Variants in ZNF195 observed in about 807,000 individuals in gnomAD.
ZNF195 encodes hypoxia-regulated factor-1.
In ZNF195, 11 loss-of-function variants were observed where a neutral mutation model predicts 19.5. That is an observed-to-expected ratio of 0.57 (90% CI 0.36 to 0.94). ZNF195 has a LOEUF of 0.94. ZNF195 is among the 40% of genes least tolerant of loss of function. The pLI is 0.01. For synonymous variants in ZNF195, 214 were observed against 248.1 expected (o/e 0.86, Z 1.29); for missense variants, 582 against 709.0 (o/e 0.82, Z 2.03).
intron 1 of ZNF195, 150 bp downstream of exon 1, chr11:3,378,888 C>T: frequency 9.7e-7 from 1 of 1,026,734 alleles, no homozygotes; most frequent in Non-Finnish European, 1.3e-6. Flanking sequence ...CGCCGGGGCG[C>T]GCGGGGCCCG....
chr11:3,370,189 GAT>G, intron 3 of ZNF195, among the ~76,000 whole-genome samples: 1 of 151,306 alleles, frequency 6.6e-6, no homozygotes, highest in East Asian at 1.9e-4. Flanking sequence ...ACACATATAT[GAT>G]ATATACACAC....
At chr11:3,362,405 T>C in intron 3 of ZNF195, 1 of 333,086 alleles carries the variant, frequency 3.0e-6, no homozygotes, top group Non-Finnish European at 5.5e-6. Context: ...AAGATGAAAG[T>C]AGAAAAATAA....
chr11:3,363,169 A>C (rs1848712926), intron 3 of ZNF195: 1 of 152,212 alleles, frequency 6.6e-6, no homozygotes. Context: ...TTTATAAACA[A>C]TTACAGCATC....
At chr11:3,364,500 A>G (rs1240920845) in intron 3 of ZNF195, among the ~76,000 whole-genome samples, 1 of 151,924 alleles carries the variant, frequency 6.6e-6, no homozygotes, top group Non-Finnish European at 1.5e-5. Context: ...AATCTTTGCT[A>G]CCAGACACAA....
chr11:3,365,696 TTC>T (rs1244567395), intron 3 of ZNF195, among the ~76,000 whole-genome samples: 3 of 152,218 alleles, frequency 2.0e-5, no homozygotes, highest in Non-Finnish European at 4.4e-5. Flanking sequence ...GCATTACACT[TTC>T]TGATTTTAAA....
intron 1 of ZNF195, among the ~76,000 whole-genome samples, chr11:3,372,946 C>G (rs1351190066): frequency 6.6e-6 from 1 of 152,214 alleles, no homozygotes; most frequent in Middle Eastern, 3.2e-3. Flanking sequence ...GTTGGTCAGG[C>G]TGGTCTCGAA....
At position 3,362,580 on chromosome 11, in the gene ZNF195, C is replaced by T. The variant is rs774287135; in HGVS notation, c.227-691G>A. On this transcript the variant is annotated intron_variant, in intron 3 of 5. Transcript: ENST00000399602. ...ACTTTAAGATGTTTTATATAATTTC[C>T]ATGGTAACCACAAAGAAAATACCTA... 5.0e-6 allele frequency: 3 copies of T among 596,162 alleles called. No homozygotes were observed. The South Asian group carries it at 6.0e-5, about 12-fold the overall frequency. The allele number at this position is 596,162 out of a possible 1,614,324, so 36.9% of individuals were successfully genotyped here. A position where few individuals can be genotyped will look rare whatever the true frequency, so the allele number is the denominator to read the frequency against.
At chr11:3,365,566 C>A (rs1167425254) in intron 3 of ZNF195, among the ~76,000 whole-genome samples, 1 of 152,230 alleles carries the variant, frequency 6.6e-6, no homozygotes, top group Non-Finnish European at 1.5e-5. Context: ...ATACTGCCCA[C>A]ACTAATGTAC....
Position 3,359,850 on chromosome 11 carries a change from T to C in ZNF195, c.1158A>G (p.Thr386=), listed in dbSNP as rs750237856. 1 of 1,614,170 alleles carries C rather than the reference T, an allele frequency of 6.2e-7. No homozygotes were observed. Among genetic ancestry groups the C allele is most frequent in the Non-Finnish European group, 8.5e-7 (1 of 1,180,034 alleles). Reference sequence around the variant, plus strand: ...GGCTGTGGTTAAAACCTTTGTACCATGTTTCACATTTGGAGAGCTTCTCTC... The same window carrying C: ...GGCTGTGGTTAAAACCTTTGTACCACGTTTCACATTTGGAGAGCTTCTCTC... ...LAGEKLSKCE[T]WYKGFNHSPN... is the part of the protein sequence containing the mutation. Residue 386 remains threonine, a synonymous_variant, in exon 6 of 6, where the codon ACA becomes ACG. Coordinates refer to ENST00000399602, the MANE Select transcript of ZNF195 (RefSeq NM_001130520.3). The surrounding 1 kb of genome is among the most constrained non-coding windows in gnomAD (Gnocchi z 5.5).
At chr11:3,371,193 C>T (rs944062992) in intron 2 of ZNF195, 123 bp from the exon 3 acceptor site, 1 of 866,064 alleles carries the variant, frequency 1.2e-6, no homozygotes, top group East Asian at 2.7e-5. Flanking sequence ...AATTATGCTT[C>T]CTGACATCAC....
chr11:3,368,313 G>C (rs1425312536), intron 3 of ZNF195, among the ~76,000 whole-genome samples: 1 of 152,204 alleles, frequency 6.6e-6, no homozygotes, highest in Admixed American at 6.5e-5. Flanking sequence ...GTACAGAAAT[G>C]CCTTTCCAAG....
At chr11:3,369,611 C>G (rs563671778) in intron 3 of ZNF195, 12 of 345,126 alleles carry the variant, frequency 3.5e-5, no homozygotes, top group Non-Finnish European at 7.3e-5. Context: ...TGAAGGACAT[C>G]CTGCTAAATA....
chr11:3,370,357 A>C (rs1849141233), intron 3 of ZNF195, among the ~76,000 whole-genome samples: 1 of 152,224 alleles, frequency 6.6e-6, no homozygotes, highest in African/African-American at 2.4e-5. Context: ...TATAAAGTTT[A>C]AATGACCAAC....
At chr11:3,374,918 T>TA (rs1849383567) in intron 1 of ZNF195, among the ~76,000 whole-genome samples, 1 of 152,192 alleles carries the variant, frequency 6.6e-6, no homozygotes, top group South Asian at 2.1e-4. Context: ...CTGGTGTTAG[T>TA]AAAAAAGAAA....
intron 3 of ZNF195, among the ~76,000 whole-genome samples, chr11:3,363,668 C>T (rs1186543776): frequency 6.6e-6 from 1 of 152,128 alleles, no homozygotes; most frequent in Non-Finnish European, 1.5e-5. Context: ...AAAGCAACAA[C>T]CTAAAAATCC....
intron 4 of ZNF195, among the ~76,000 whole-genome samples, chr11:3,361,458 A>G (rs1055062302): frequency 2.6e-5 from 4 of 152,244 alleles, no homozygotes; most frequent in African/African-American, 9.6e-5. Context: ...AATGAGTAAA[A>G]ATGGCAAAAC....
chr11:3,374,709 T>C (rs886860797), intron 1 of ZNF195, among the ~76,000 whole-genome samples: 3 of 152,198 alleles, frequency 2.0e-5, no homozygotes, highest in African/African-American at 7.2e-5. Flanking sequence ...TCCTCTTCTA[T>C]TTTCCTATCA....
intron 3 of ZNF195, chr11:3,366,859 G>A: frequency 2.3e-6 from 1 of 439,286 alleles, no homozygotes; most frequent in South Asian, 1.6e-5. Flanking sequence ...GAGCCCAGGA[G>A]TCCGAGACCA....
At chr11:3,377,959 G>A (rs1849546407) in intron 1 of ZNF195, 2 of 969,352 alleles carry the variant, frequency 2.1e-6, no homozygotes, top group Non-Finnish European at 2.5e-6. Flanking sequence ...GTCAGGGGAT[G>A]ATTCTCTGCT....
Sources: gnomAD v4.1 joint callset for allele counts (sites outside exome capture counted in the v4.1 genomes callset) on GRCh38, gnomAD v4.1.1 for gene constraint, Gnocchi (gnomAD v3.1) non-coding constraint, MANE v1.5 for transcripts, NCBI Gene and HGNC (gene_info 2026-07-23, HGNC 2026-07-21) for gene names.